Variants in GCLC observed in about 807,000 individuals in gnomAD.
The protein encoded by GCLC is glutamate--cysteine ligase catalytic subunit.
GCLC carries 30 observed loss-of-function variants against 81.5 expected under a neutral mutation model. The ratio of observed to expected loss-of-function variants is 0.37; its 90% CI spans 0.28 to 0.50. The LOEUF (loss-of-function observed/expected upper bound fraction) is 0.50. Among genes scored for constraint, GCLC ranks in the 20% least tolerant of loss-of-function variants. GCLC has a pLI of 0.96. For synonymous variants in GCLC, 262 were observed against 273.3 expected (o/e 0.96, Z 0.41); for missense variants, 556 against 777.4 (o/e 0.72, Z 3.39).
At position 53,544,457 on chromosome 6, in the gene GCLC, CA is replaced by C. The variant is rs755938837; in HGVS notation, c.150+38del. ...GACAAAGGCAGCGCGGGCGGCCAGA[CA>C]CGGGTGCCCGGCGGGGACGGGGACC... On this transcript the variant is annotated intron_variant, in intron 1 of 15. Transcript: ENST00000650454. 1.1e-5 allele frequency: 17 copies of C among 1,599,700 alleles called. No individual in the cohort carries two copies. The African/African-American group carries it at 1.9e-4, about 18-fold the overall frequency.
At chr6:53,521,117 C>T (rs1466833828) in intron 2 of GCLC, among the ~76,000 whole-genome samples, 157 bp from the exon 3 acceptor site, 2 of 152,184 alleles carry the variant, frequency 1.3e-5, no homozygotes, top group Admixed American at 1.3e-4. Flanking sequence ...TTTTCCATAG[C>T]TATTCAACTA....
Position 53,520,951 on chromosome 6 carries a change from G to A in GCLC, c.273C>T (p.Thr91=), listed in dbSNP as rs1332778705. 1.9e-6 allele frequency: 3 copies of A among 1,612,434 alleles called. No individual in the cohort carries two copies. Among genetic ancestry groups the A allele is most frequent in the African/African-American group, 2.7e-5 (2 of 74,954 alleles). Residue 91 remains threonine, a synonymous_variant, in exon 3 of 16, where the codon ACC becomes ACT. Coordinates refer to ENST00000650454, the MANE Select transcript of GCLC (RefSeq NM_001498.4). ...AACTCCCATACTCTGGTCTCCAAAG[G>A]GTAGGATGGCTACGGAGGAGAAATA... The part of the protein sequence containing the change: ...KGERTNPNHP[T]LWRPEYGSYM...
intron 12 of GCLC, 87 bp downstream of exon 12, chr6:53,505,305 A>G (rs1427544742): frequency 1.4e-6 from 1 of 727,346 alleles, no homozygotes; most frequent in African/African-American, 1.7e-5. Context: ...ATTTCAAATG[A>G]AATTAGGTGG....
At chr6:53,520,513 G>C (rs1258420277) in intron 3 of GCLC, among the ~76,000 whole-genome samples, 1 of 152,186 alleles carries the variant, frequency 6.6e-6, no homozygotes, top group Non-Finnish European at 1.5e-5. Flanking sequence ...CCACACTGCT[G>C]GTCTGTCATC....
At chr6:53,517,165 C>A (rs1423453515) in intron 3 of GCLC, among the ~76,000 whole-genome samples, 1 of 143,366 alleles carries the variant, frequency 7.0e-6, no homozygotes, top group Admixed American at 7.3e-5. Context: ...TAGCTCAGTG[C>A]AGCCTTGAAC....
At position 53,529,644 on chromosome 6, in the gene GCLC, T is replaced by C. The variant is rs17879993; in HGVS notation, c.151-7117A>G. On this transcript the variant is annotated intron_variant, in intron 1 of 15. Transcript: ENST00000650454. Reference sequence around the variant, plus strand: ...TCCAATCATCTGTACTTCAGTACAATAGGTTCTGAGTTCTAAAGACAAATG... The same window carrying C: ...TCCAATCATCTGTACTTCAGTACAACAGGTTCTGAGTTCTAAAGACAAATG... Among the ~76,000 whole-genome samples, 523 of 152,362 alleles carry C rather than the reference T, an allele frequency of 3.4e-3. 2 individuals carry two copies. The highest frequency in any genetic ancestry group is 8.3e-3 in the Admixed American group (127 of 15,310).
chr6:53,507,396 C>T, intron 9 of GCLC, 84 bp downstream of exon 9: 2 of 1,338,684 alleles, frequency 1.5e-6, no homozygotes, highest in East Asian at 2.3e-5. Flanking sequence ...AGAAACCAGA[C>T]CAGGAGTCAG....
chr6:53,538,136 CTTTTT>C (rs10588842), intron 1 of GCLC, among the ~76,000 whole-genome samples: 2 of 78,902 alleles, frequency 2.5e-5, no homozygotes, highest in African/African-American at 5.2e-5. Flanking sequence ...TTTTTCTTTC[CTTTTT>C]TTTTTTTTTT....
chr6:53,508,085 G>A (rs1046320688), intron 8 of GCLC, among the ~76,000 whole-genome samples: 10 of 152,038 alleles, frequency 6.6e-5, no homozygotes, highest in Non-Finnish European at 8.8e-5. Flanking sequence ...CCTTGTTCGG[G>A]TCCCATCCTA....
chr6:53,525,156 G>T (rs2268326), intron 1 of GCLC, among the ~76,000 whole-genome samples: 45,560 of 152,040 alleles, frequency 0.3, 7,153 homozygotes, highest in Admixed American at 0.44. Context: ...AAACTAAAAT[G>T]TAATGCCTTC....
rs1350175165 is a variant in GCLC, at chr6:53,497,466, T to G, written c.*1290A>C. On this transcript the variant is annotated 3_prime_UTR_variant, in exon 16 of 16. Coordinates refer to ENST00000650454, the MANE Select transcript of GCLC (RefSeq NM_001498.4). ...ACGAAAACCAGGCATTCTTTAATCA[T>G]CCAAAATGCATGTATAAAATATAGA... 3.3e-5 allele frequency: 5 copies of G among 152,162 alleles called. No individual in the cohort carries two copies. The highest frequency in any genetic ancestry group is 7.4e-5 in the Non-Finnish European group (5 of 68,024). 9.4% of individuals were successfully genotyped at this position (152,162 alleles called of 1,614,324 possible). A position where few individuals can be genotyped will look rare whatever the true frequency, so the allele number is the denominator to read the frequency against.
rs1402249743 is a variant in GCLC, at chr6:53,509,580, C to G, written c.754-330G>C. The G allele has an allele frequency of 1.5e-5, 6 of 403,610 alleles. No homozygotes were observed. In the South Asian group the frequency reaches 1.5e-4, roughly 10 times the overall value. The allele number at this position is 403,610 out of a possible 1,614,324, so 25.0% of individuals were successfully genotyped here. A position where few individuals can be genotyped will look rare whatever the true frequency, so the allele number is the denominator to read the frequency against. ...ATTTTCTCTTCTACTGGCTTGTTGC[C>G]TTCCTATCCCTTCAGTCAGTGAGGG... On this transcript the variant is annotated intron_variant, in intron 6 of 15. Transcript: ENST00000650454.
chr6:53,538,116 G>A lies in GCLC; in HGVS notation c.150+6380C>T, dbSNP rs1014426140. ...CATACACTTATTCATTAATAAGCTA[G>A]GCATTTTCTTTTTTCTTTCCTTTTT... On this transcript the variant is annotated intron_variant, in intron 1 of 15. Transcript: ENST00000650454. 6.9e-5 allele frequency among the ~76,000 whole-genome samples: 10 copies of A among 145,628 alleles called. 1 individual carries two copies. The Admixed American group carries it at 6.9e-4, about 10-fold the overall frequency.
rs1305750203 is a variant in GCLC at position 53,500,772 on chromosome 6, C to T, written c.1396-259G>A. 2.7e-5 allele frequency: 14 copies of T among 518,642 alleles called. 1 individual carries two copies. Among genetic ancestry groups the T allele is most frequent in the South Asian group, 2.1e-4 (10 of 48,536 alleles). The allele number at this position is 518,642 out of a possible 1,614,324, so 32.1% of individuals were successfully genotyped here. ...ACCCAAAACTTATATTCATGTGGAA[C>T]GTCTGCATTTCAAAGCACCTCTGTG... On this transcript the variant is annotated intron_variant, in intron 12 of 15. Coordinates refer to ENST00000650454, the MANE Select transcript of GCLC (RefSeq NM_001498.4).
At position 53,544,865 on chromosome 6, in the gene GCLC, G is replaced by C. The variant is rs36205996; in HGVS notation, c.-220C>G. On this transcript the variant is annotated 5_prime_UTR_variant, in exon 1 of 16. Transcript: ENST00000650454. ...AGACCCTGGGTCCGACGCACCGCGC[G>C]GAGGCGAAGGCAGAAGACCGAGAGC... 1.7e-5 allele frequency: 7 copies of C among 405,868 alleles called. No individual in the cohort carries two copies. Among genetic ancestry groups the C allele is most frequent in the Non-Finnish European group, 3.0e-5 (7 of 230,850 alleles). 25.1% of individuals were successfully genotyped at this position (405,868 alleles called of 1,614,324 possible).
At chr6:53,541,248 A>G (rs1400233917) in intron 1 of GCLC, among the ~76,000 whole-genome samples, 1 of 152,170 alleles carries the variant, frequency 6.6e-6, no homozygotes, top group Non-Finnish European at 1.5e-5. Context: ...GTAGAGAGGT[A>G]CCACAATGGA....
chr6:53,499,928 A>G, intron 15 of GCLC, 117 bp downstream of exon 15: 1 of 762,364 alleles, frequency 1.3e-6, no homozygotes, highest in Non-Finnish European at 2.2e-6. Flanking sequence ...GAAATATAAA[A>G]ATGTGAAACT....
chr6:53,522,971 G>C (rs1763023567), intron 1 of GCLC, among the ~76,000 whole-genome samples: 2 of 152,202 alleles, frequency 1.3e-5, no homozygotes, highest in African/African-American at 4.8e-5. Context: ...AGAGTAATAA[G>C]TAAGGTAGAT....
Position 53,544,736 on chromosome 6 carries a change from C to G in GCLC, c.-91G>C. 7.7e-7 allele frequency: 1 copy of G among 1,300,158 alleles called. No homozygotes were observed. Among genetic ancestry groups the G allele is most frequent in the Non-Finnish European group, 1.0e-6 (1 of 966,298 alleles). 80.5% of individuals were successfully genotyped at this position (1,300,158 alleles called of 1,614,324 possible). On this transcript the variant is annotated 5_prime_UTR_variant, in exon 1 of 16. Transcript: ENST00000650454. Reference sequence around the variant, plus strand: ...CGGACACTCAGCCGCCCGCAGAAGGCGGCTGCCGCTCCACCCCGCGGGGGC... The same window carrying G: ...CGGACACTCAGCCGCCCGCAGAAGGGGGCTGCCGCTCCACCCCGCGGGGGC...
Sources: allele counts gnomAD v4.1 joint callset (sites outside exome capture counted in the v4.1 genomes callset), GRCh38; gene constraint gnomAD v4.1.1; transcripts MANE v1.5; gene names NCBI Gene and HGNC (gene_info 2026-07-23, HGNC 2026-07-21).